The following AURKB variants were observed in gnomAD, a reference collection of about 807,000 sequenced individuals.
AURKB encodes the protein aurora kinase B-Sv1.
A neutral mutation model predicts 36.5 loss-of-function variants in AURKB; 28 were observed. The observed-to-expected ratio is 0.77, with a 90% CI of 0.57 to 1.05. The LOEUF is 1.05. Ranked by LOEUF, AURKB falls within the 50% of genes least tolerant of loss-of-function variation. AURKB has a pLI of 0.00. For synonymous variants in AURKB, 175 were observed against 172.9 expected (o/e 1.01, Z -0.09); for missense variants, 383 against 447.4 (o/e 0.86, Z 1.30).
At chr17:8,208,126 T>C (rs1296026578) in intron 2 of AURKB, 2 of 254,348 alleles carry the variant, frequency 7.9e-6, no homozygotes, top group Non-Finnish European at 1.5e-5. Flanking sequence ...ACTAAAAATA[T>C]AAAAAATTAG....
At chr17:8,205,773 C>A (rs1256570949) in intron 7 of AURKB, among the ~76,000 whole-genome samples, 1 of 152,038 alleles carries the variant, frequency 6.6e-6, no homozygotes, top group Non-Finnish European at 1.5e-5. Context: ...CTGCTCCGGG[C>A]TTTTTTTGAG....
At position 8,206,426 on chromosome 17, in the gene AURKB, C is replaced by CCG; in HGVS notation, c.686+64_686+65insCG. 1 of 1,594,238 alleles carries CCG rather than the reference C, an allele frequency of 6.3e-7. No homozygotes were observed. Among genetic ancestry groups the CCG allele is most frequent in the South Asian group, 1.1e-5 (1 of 89,592 alleles). ...GATTACAGGTGTGAGCCACGGTGCA[C>CCG]GGCCCCTGGAGAGGTTTTAATGGCC... On this transcript the variant is annotated intron_variant, in intron 7 of 8. Coordinates refer to ENST00000585124, the MANE Select transcript of AURKB (RefSeq NM_004217.4). This position sits in a 1 kb window ranked among gnomAD's most constrained non-coding sequence, Gnocchi z 4.2.
chr17:8,210,300 A>G (rs2151480272), intron 1 of AURKB, 51 bp from the exon 2 acceptor site: 4 of 1,355,100 alleles, frequency 3.0e-6, no homozygotes, highest in Non-Finnish European at 4.1e-6. Context: ...AGAGAGAGAG[A>G]GGGAGGGGTT....
chr17:8,207,446 C>A lies in AURKB; in HGVS notation c.207-79G>T, dbSNP rs2289590. 0.56 allele frequency: 877,778 copies of A among 1,556,666 alleles called. 254,329 individuals are homozygous for A. Among genetic ancestry groups the A allele is most frequent in the South Asian group, 0.63 (53,743 of 85,632 alleles). On this transcript the variant is annotated intron_variant, in intron 4 of 8. Coordinates refer to ENST00000585124, the MANE Select transcript of AURKB (RefSeq NM_004217.4). ...TTTGCTTTCTCTCTGCTTCCTCATCCCATCCTGTCCTCCGCCCCACTTGTC... is the reference window on the plus strand; with the variant it reads ...TTTGCTTTCTCTCTGCTTCCTCATCACATCCTGTCCTCCGCCCCACTTGTC...
At position 8,205,403 on chromosome 17, in the gene AURKB, A is replaced by C. The variant is rs760390839; in HGVS notation, c.687-13T>G. 6.2e-7 allele frequency: 1 copy of C among 1,613,180 alleles called. No homozygotes were observed. Among genetic ancestry groups the C allele is most frequent in the East Asian group, 2.2e-5 (1 of 44,892 alleles). ...CATTGTCTTCCTCCTGGGAGGGATA[A>C]GGGGCGTGGGCAGGGGTCCTAGTGA... is the stretch of plus-strand genomic sequence containing the variant. On this transcript the variant is annotated splice_polypyrimidine_tract_variant and intron_variant, in intron 7 of 8. Transcript: ENST00000585124.
chr17:8,206,679 C>T lies in AURKB; in HGVS notation c.538-40G>A, dbSNP rs1985330982. On this transcript the variant is annotated intron_variant, in intron 6 of 8. Coordinates refer to ENST00000585124, the MANE Select transcript of AURKB (RefSeq NM_004217.4). The surrounding 1 kb of genome is among the most constrained non-coding windows in gnomAD (Gnocchi z 4.2). ...GACAGGCAATCAGACAAGGATGGAC[C>T]TCCAGCTACAAGCAGCACACCCTCA... 1 of 1,613,694 alleles carries T rather than the reference C, an allele frequency of 6.2e-7. No homozygotes were observed. Among genetic ancestry groups the T allele is most frequent in the South Asian group, 1.1e-5 (1 of 91,084 alleles).
intron 5 of AURKB, 25 bp downstream of exon 5, chr17:8,207,151 C>G (rs754932503): frequency 1.9e-6 from 3 of 1,598,574 alleles, no homozygotes; most frequent in Non-Finnish European, 2.6e-6. Context: ...AGAGGGGCTT[C>G]GGCTCAGGGG....
At chr17:8,210,079 A>G (rs752966056) in intron 2 of AURKB, 98 bp downstream of exon 2, 2 of 1,475,628 alleles carry the variant, frequency 1.4e-6, no homozygotes, top group Non-Finnish European at 1.9e-6. Flanking sequence ...CGGGGAAGAA[A>G]GTGCTTAAAG....
chr17:8,207,199 C>T lies in AURKB; in HGVS notation c.375G>A (p.Glu125=), dbSNP rs747133622. The T allele has an allele frequency of 6.2e-7, 1 of 1,613,120 alleles. No individual in the cohort carries two copies. The highest frequency in any genetic ancestry group is 2.2e-5 in the East Asian group (1 of 44,848). ...ACTGCAGGTGGGCCTGGATTTCGAT[C>T]TCTCTGCGCAGCTGATGCTCCACGC... is the stretch of plus-strand genomic sequence containing the variant. ...KEGVEHQLRR[E]IEIQAHLHHP... Residue 125 remains glutamate (E), a synonymous_variant, in exon 5 of 9, where the codon GAG becomes GAA. Coordinates refer to ENST00000585124, the MANE Select transcript of AURKB (RefSeq NM_004217.4).
In AURKB at chr17:8,205,390, C is replaced by T; in HGVS notation, c.687G>A (p.Arg229=). The T allele has an allele frequency of 6.2e-7, 1 of 1,613,918 alleles. No homozygotes were observed. Among genetic ancestry groups the T allele is most frequent in the Middle Eastern group, 1.7e-4 (1 of 6,060 alleles). ...CCAGGGTGCCACACATTGTCTTCCT[C>T]CTGGGAGGGATAAGGGGCGTGGGCA... ...FGWSVHAPSL[R]RKTMCGTLDY... Residue 229 remains arginine, a splice_region_variant and synonymous_variant, in exon 8 of 9, where the codon AGG becomes AGA. Transcript: ENST00000585124.
Position 8,207,729 on chromosome 17 carries a change from G to A in AURKB, c.151+9C>T, listed in dbSNP as rs201982270. ...CCCAGCTCAGTCCTCTCCCCCTTGC[G>A]CCAGTTACCTGTGGGCTGGACATTG... On this transcript the variant is annotated intron_variant, in intron 3 of 8. Transcript: ENST00000585124. 1.7e-4 allele frequency: 281 copies of A among 1,613,784 alleles called. No homozygotes were observed. Among genetic ancestry groups the A allele is most frequent in the Admixed American group, 3.5e-4 (21 of 59,978 alleles).
In AURKB at chr17:8,206,395, T is replaced by G. The variant is rs868711902; in HGVS notation, c.686+96A>C. 4 of 1,490,550 alleles carry G rather than the reference T, an allele frequency of 2.7e-6. No individual in the cohort carries two copies. The Middle Eastern group carries it at 9.3e-4, about 347-fold the overall frequency. The allele number at this position is 1,490,550 out of a possible 1,614,324, so 92.3% of individuals were successfully genotyped here. A position where few individuals can be genotyped will look rare whatever the true frequency, so the allele number is the denominator to read the frequency against. On this transcript the variant is annotated intron_variant, in intron 7 of 8. Coordinates refer to ENST00000585124, the MANE Select transcript of AURKB (RefSeq NM_004217.4). The surrounding 1 kb of genome is among the most constrained non-coding windows in gnomAD (Gnocchi z 4.2). Reference sequence around the variant, plus strand: ...ATCCGCCCTCCTCGGCCTCCCAAAGTGCTGGGATTACAGGTGTGAGCCACG... The same window carrying G: ...ATCCGCCCTCCTCGGCCTCCCAAAGGGCTGGGATTACAGGTGTGAGCCACG...
Position 8,207,619 on chromosome 17 carries a change from G to A in AURKB, c.158C>T (p.Pro53Leu). The A allele has an allele frequency of 6.2e-7, 1 of 1,613,922 alleles. No homozygotes were observed. The highest frequency in any genetic ancestry group is 8.5e-7 in the Non-Finnish European group (1 of 1,179,900). ...SRSNVQPTAAPGQKVMENSSG... is the reference protein window; with the variant it reads ...SRSNVQPTAALGQKVMENSSG... ...GCTATTCTCCATCACCTTCTGGCCA[G>A]GGGCAGCTAAGGAGAGAACAGGTAG... The change falls in exon 4 of 9, where the codon CCT (proline) becomes CTT (leucine). Residue 53 changes from proline (P) to leucine (L), a missense_variant. Transcript: ENST00000585124.
rs187614609 is a variant in AURKB at position 8,205,827 on chromosome 17, A to G, written c.687-437T>C. On this transcript the variant is annotated intron_variant, in intron 7 of 8. Transcript: ENST00000585124. Reference sequence around the variant, plus strand: ...CAGTGGGGCGATCTTGGCTCACTGCAACCTCTGCCTCCCGGGTTCAAGTGA... The same window carrying G: ...CAGTGGGGCGATCTTGGCTCACTGCGACCTCTGCCTCCCGGGTTCAAGTGA... Among the ~76,000 whole-genome samples the G allele has an allele frequency of 2.6e-5, 4 of 152,262 alleles. No homozygotes were observed. The East Asian group carries it at 7.7e-4, about 29-fold the overall frequency.
chr17:8,210,081 T>C, intron 2 of AURKB, 96 bp downstream of exon 2: 1 of 1,482,604 alleles, frequency 6.7e-7, no homozygotes, highest in Non-Finnish European at 9.4e-7. Context: ...GGGAAGAAAG[T>C]GCTTAAAGGA....
chr17:8,204,837 C>A lies in AURKB; in HGVS notation c.*34G>T, dbSNP rs771570904. ...TTTCCCCTATACATACACAGACATA[C>A]AAACACACGCACCCGAGTGAATGAC... On this transcript the variant is annotated 3_prime_UTR_variant, in exon 9 of 9. Coordinates refer to ENST00000585124, the MANE Select transcript of AURKB (RefSeq NM_004217.4). 2.5e-6 allele frequency: 4 copies of A among 1,610,112 alleles called. No homozygotes were observed. Among genetic ancestry groups the A allele is most frequent in the Admixed American group, 1.7e-5 (1 of 58,644 alleles).
intron 1 of AURKB, 125 bp downstream of exon 1, chr17:8,210,405 C>T (rs1420072916): frequency 3.3e-4 from 209 of 638,940 alleles, no homozygotes; most frequent in Non-Finnish European, 5.0e-5. Context: ...CCGCCCCCGC[C>T]CTGCTATCGT....
At position 8,207,730 on chromosome 17, in the gene AURKB, C is replaced by T. The variant is rs1985534033; in HGVS notation, c.151+8G>A. 1 of 1,613,974 alleles carries T rather than the reference C, an allele frequency of 6.2e-7. No individual in the cohort carries two copies. The highest frequency in any genetic ancestry group is 8.5e-7 in the Non-Finnish European group (1 of 1,179,962). ...CCAGCTCAGTCCTCTCCCCCTTGCG[C>T]CAGTTACCTGTGGGCTGGACATTGG... is the stretch of plus-strand genomic sequence containing the variant. On this transcript the variant is annotated splice_region_variant and intron_variant, in intron 3 of 8. Coordinates refer to ENST00000585124, the MANE Select transcript of AURKB (RefSeq NM_004217.4).
rs377051536 is a variant in AURKB at position 8,206,699 on chromosome 17, C to G, written c.537+51G>C. On this transcript the variant is annotated intron_variant, in intron 6 of 8. Coordinates refer to ENST00000585124, the MANE Select transcript of AURKB (RefSeq NM_004217.4). This position sits in a 1 kb window ranked among gnomAD's most constrained non-coding sequence, Gnocchi z 4.2. ...TGGACCTCCAGCTACAAGCAGCACA[C>G]CCTCAGCCTCGAGCCCCCTACTGGC... is the stretch of plus-strand genomic sequence containing the variant. 92 of 1,612,960 alleles carry G rather than the reference C, an allele frequency of 5.7e-5. No homozygotes were observed. The highest frequency in any genetic ancestry group is 7.7e-5 in the Non-Finnish European group (91 of 1,179,290).
Sources: gnomAD v4.1 joint callset for allele counts (sites outside exome capture counted in the v4.1 genomes callset) on GRCh38, gnomAD v4.1.1 for gene constraint, Gnocchi (gnomAD v3.1) non-coding constraint, MANE v1.5 for transcripts, NCBI Gene and HGNC (gene_info 2026-07-23, HGNC 2026-07-21) for gene names.